The following NMI variants were observed in gnomAD, a reference collection of about 807,000 sequenced individuals.
NMI encodes N-myc and STAT interactor.
NMI carries 39 observed loss-of-function variants against 34.3 expected under a neutral mutation model. The ratio of observed to expected loss-of-function variants is 1.14; its 90% CI spans 0.88 to 1.49. The LOEUF (loss-of-function observed/expected upper bound fraction) is 1.49, where lower values mean the gene tolerates loss of function less well. Ranked by LOEUF, NMI falls within the 40% of genes most tolerant of loss-of-function variation. The pLI is 0.00. For missense variants in NMI, 339 were observed against 358.1 expected, an observed-to-expected ratio of 0.95 and a Z score of 0.43; for synonymous variants, 113 against 120.3, an observed-to-expected ratio of 0.94 and a Z score of 0.40.
chr2:151,281,845 A>G (rs535673301), intron 3 of NMI, 103 bp downstream of exon 3: 11 of 685,886 alleles, frequency 1.6e-5, no homozygotes, highest in South Asian at 6.8e-5. Context: ...GGTGCCATGG[A>G]TGATGATAAG....
Position 151,282,902 on chromosome 2 carries a change from G to A in NMI, c.47C>T (p.Ser16Leu), listed in dbSNP as rs1048135. The A allele has an allele frequency of 0.43, 656,325 of 1,512,686 alleles. 150,535 individuals carry two copies. The highest frequency in any genetic ancestry group is 0.56 in the Admixed American group (26,187 of 46,816). The allele number at this position is 1,512,686 out of a possible 1,614,324, so 93.7% of individuals were successfully genotyped here. ...DDTQQILKEHSPDEFIKDEQN... is the reference protein window; with the variant it reads ...DDTQQILKEHLPDEFIKDEQN... ...TTCATCTTTTATAAATTCATCTGGC[G>A]AATGCTCCTTAAGAATTTGTTGTGT... The change falls in exon 2 of 8, where the codon TCG becomes TTG. Residue 16 changes from serine (S) to leucine (L), a missense_variant. Coordinates refer to ENST00000243346, the MANE Select transcript of NMI (RefSeq NM_004688.3).
chr2:151,273,738 T>G (rs907561665), intron 6 of NMI, among the ~76,000 whole-genome samples: 3 of 152,074 alleles, frequency 2.0e-5, no homozygotes, highest in African/African-American at 2.4e-5. Flanking sequence ...GCCAGGCTGG[T>G]CTTGAACTCC....
intron 6 of NMI, among the ~76,000 whole-genome samples, chr2:151,271,983 G>C (rs1039485669): frequency 7.2e-5 from 11 of 152,164 alleles, no homozygotes; most frequent in Non-Finnish European, 1.3e-4. Context: ...AATGCACAAA[G>C]GGTTGCAATG....
At chr2:151,275,418 T>G (rs955713404) in intron 6 of NMI, 66 bp downstream of exon 6, 12 of 1,409,208 alleles carry the variant, frequency 8.5e-6, no homozygotes, top group African/African-American at 1.4e-5. Context: ...ATAGGAATAC[T>G]TTCAGAAACA....
rs773276443 is a variant in NMI at position 151,274,344 on chromosome 2, C to CAAAA, written c.634+1136_634+1139dup. Among the ~76,000 whole-genome samples, 45 of 54,674 alleles carry CAAAA rather than the reference C, an allele frequency of 8.2e-4. 4 individuals carry two copies. Among genetic ancestry groups the CAAAA allele is most frequent in the African/African-American group, 1.1e-3 (16 of 14,326 alleles). The allele number at this position is 54,674 out of a possible 152,430, so 35.9% of individuals were successfully genotyped here. Reference sequence around the variant, plus strand: ...GGCGACAGAGCAAGACTCTGTCTCACAAAAAAAAAAAAAAAAAAAAAAAAA... The same window carrying CAAAA: ...GGCGACAGAGCAAGACTCTGTCTCACAAAAAAAAAAAAAAAAAAAAAAAAAAAAA... On this transcript the variant is annotated intron_variant, in intron 6 of 7. Coordinates refer to ENST00000243346, the MANE Select transcript of NMI (RefSeq NM_004688.3).
At position 151,275,787 on chromosome 2, in the gene NMI, C is replaced by G. The variant is rs1425649006; in HGVS notation, c.418G>C (p.Val140Leu). 6.2e-7 allele frequency: 1 copy of G among 1,613,674 alleles called. No homozygotes were observed. Among genetic ancestry groups the G allele is most frequent in the Non-Finnish European group, 8.5e-7 (1 of 1,179,720 alleles). Residue 140 changes from valine (V) to leucine (L), a missense_variant, in exon 5 of 8, where the codon GTT becomes CTT. Coordinates refer to ENST00000243346, the MANE Select transcript of NMI (RefSeq NM_004688.3). ...AATCTGACTCCTGAATTTAATGGAA[C>G]TGGCTTGGCCGTAACCTCCAGATTT... is the stretch of plus-strand genomic sequence containing the variant. Reference protein sequence around the residue: ...DVNLEVTAKPVPLNSGVRFQV... With the variant: ...DVNLEVTAKPLPLNSGVRFQV...
chr2:151,282,533 C>A (rs1441194292), intron 2 of NMI, among the ~76,000 whole-genome samples: 4 of 152,074 alleles, frequency 2.6e-5, no homozygotes, highest in Admixed American at 2.6e-4. Context: ...AGACATATGA[C>A]CTTGGGGAAG....
intron 1 of NMI, among the ~76,000 whole-genome samples, chr2:151,288,566 T>C (rs932464871): frequency 7.6e-6 from 1 of 132,070 alleles, no homozygotes; most frequent in Non-Finnish European, 1.7e-5. Flanking sequence ...TGTATGTGAG[T>C]GTGTGTGTGT....
At chr2:151,277,898 A>C (rs1683318390) in intron 4 of NMI, 1 of 152,232 alleles carries the variant, frequency 6.6e-6, no homozygotes, top group Admixed American at 6.5e-5. Flanking sequence ...CTGGTGGCCT[A>C]CCGAGAGAAA....
chr2:151,275,936 C>T (rs572224708), intron 4 of NMI, 72 bp from the exon 5 acceptor site: 1 of 990,662 alleles, frequency 1.0e-6, no homozygotes, highest in Admixed American at 2.5e-5. Flanking sequence ...GGTTTAAGAA[C>T]AAATTATCCT....
chr2:151,286,868 C>A (rs1377428648), intron 1 of NMI, among the ~76,000 whole-genome samples: 1 of 152,202 alleles, frequency 6.6e-6, no homozygotes, highest in East Asian at 1.9e-4. Flanking sequence ...ATCTGTACCC[C>A]ATTGTGCAGT....
At chr2:151,282,623 C>A in intron 2 of NMI, 1 of 284,198 alleles carries the variant, frequency 3.5e-6, no homozygotes, top group African/African-American at 2.2e-5. Flanking sequence ...CTTGTTGATG[C>A]AAATCCAAGA....
chr2:151,272,224 A>C (rs976478172), intron 6 of NMI, among the ~76,000 whole-genome samples: 1 of 152,234 alleles, frequency 6.6e-6, no homozygotes, highest in Non-Finnish European at 1.5e-5. Flanking sequence ...AAAGGAAATA[A>C]AAATTCATCA....
intron 4 of NMI, chr2:151,277,726 T>G (rs1683314766): frequency 6.6e-6 from 1 of 152,230 alleles, no homozygotes; most frequent in South Asian, 2.1e-4. Context: ...GCACAGATAC[T>G]GTCCTGCTGG....
At chr2:151,274,303 A>G (rs1683242606) in intron 6 of NMI, among the ~76,000 whole-genome samples, 2 of 120,278 alleles carry the variant, frequency 1.7e-5, no homozygotes, top group South Asian at 6.3e-4. Context: ...AGATAGTGCC[A>G]CTGCACTCCA....
intron 4 of NMI, chr2:151,277,608 T>C (rs953206493): frequency 1.3e-5 from 2 of 152,216 alleles, no homozygotes; most frequent in African/African-American, 4.8e-5. Flanking sequence ...ATCTATCTTT[T>C]AGTTATATCC....
At chr2:151,276,209 C>G (rs117534110) in intron 4 of NMI, among the ~76,000 whole-genome samples, 1 of 152,006 alleles carries the variant, frequency 6.6e-6, no homozygotes, top group Admixed American at 6.6e-5. Flanking sequence ...CATGCCACCA[C>G]GCCTAGCTAA....
intron 3 of NMI, 68 bp from the exon 4 acceptor site, chr2:151,279,058 G>A: frequency 2.8e-6 from 3 of 1,069,108 alleles, no homozygotes; most frequent in Non-Finnish European, 4.1e-6. Flanking sequence ...CAATGATAAT[G>A]TAATTTGGTC....
At chr2:151,282,766 A>G in intron 2 of NMI, 102 bp downstream of exon 2, 1 of 597,570 alleles carries the variant, frequency 1.7e-6, no homozygotes, top group East Asian at 3.5e-5. Context: ...ACGGCCTCCC[A>G]AATTCAAGGT....
Sources: gnomAD v4.1 joint callset for allele counts (sites outside exome capture counted in the v4.1 genomes callset) on GRCh38, gnomAD v4.1.1 for gene constraint, MANE v1.5 for transcripts, NCBI Gene and HGNC (gene_info 2026-07-23, HGNC 2026-07-21) for gene names.